The following C4orf51 variants were observed in gnomAD, a reference collection of about 807,000 sequenced individuals.
C4orf51 encodes uncharacterized protein C4orf51.
C4orf51 carries 25 observed loss-of-function variants against 25.2 expected under a neutral mutation model. The observed-to-expected ratio is 0.99, with a 90% confidence interval of 0.72 to 1.39. The LOEUF (loss-of-function observed/expected upper bound fraction) is 1.39. C4orf51 is among the 40% of genes most tolerant of loss of function. The probability of loss-of-function intolerance (pLI) is 0.00; values close to 1 mark genes in which losing one functional copy is unlikely to be tolerated. For synonymous variants in C4orf51, 100 were observed against 84.5 expected (o/e 1.18, Z -1.01); for missense variants, 252 against 239.6 (o/e 1.05, Z -0.34).
intron 1 of C4orf51, among the ~76,000 whole-genome samples, chr4:145,687,957 G>C (rs1046104780): frequency 2.0e-5 from 3 of 152,092 alleles, no homozygotes; most frequent in African/African-American, 4.8e-5. Context: ...AAATTAAAAA[G>C]TTAGTGCTTA....
At chr4:145,737,756 TCTCA>T (rs1444686874), downstream of C4orf51, among the ~76,000 whole-genome samples, 1 of 152,368 alleles carries the variant, frequency 6.6e-6, no homozygotes, top group East Asian at 1.9e-4. Context: ...TTGATCTGAC[TCTCA>T]CTCCTTCGTA....
chr4:145,736,153 G>C (rs1732792336), downstream of C4orf51, among the ~76,000 whole-genome samples: 1 of 152,016 alleles, frequency 6.6e-6, no homozygotes. Flanking sequence ...ACGTGCTGTA[G>C]AAGGATTTGA....
In C4orf51 at chr4:145,765,297, TC is replaced by T; in HGVS notation, n.167-5687del. On this transcript the variant is annotated intron_variant and non_coding_transcript_variant, in intron 1 of 1. Transcript: ENST00000510096. The surrounding 1 kb of genome is among the most constrained non-coding windows in gnomAD (Gnocchi z 4.7). ...ACAGCTATACCCTTCCAGGCACTGT[TC>T]CCCATATCTCTGTGCTAAAAGGAGT... is the stretch of plus-strand genomic sequence containing the variant. The T allele has an allele frequency of 9.4e-7, 1 of 1,064,128 alleles. No individual in the cohort carries two copies. The allele number at this position is 1,064,128 out of a possible 1,614,324, so 65.9% of individuals were successfully genotyped here.
At chr4:145,752,769 A>G (rs1733739413) in intron 1 of C4orf51, among the ~76,000 whole-genome samples, 3 of 152,164 alleles carry the variant, frequency 2.0e-5, no homozygotes, top group African/African-American at 7.2e-5. Flanking sequence ...AGGATTTCTG[A>G]GCGCTTTAGC....
chr4:145,779,657 T>C, the C4orf51 span: 1 of 1,150,288 alleles, frequency 8.7e-7, no homozygotes, highest in Non-Finnish European at 1.2e-6. Context: ...GTTTTCCTGC[T>C]CATTTCCTGT....
intron 1 of C4orf51, among the ~76,000 whole-genome samples, chr4:145,742,407 T>C (rs1003764557): frequency 6.6e-6 from 1 of 152,208 alleles, no homozygotes; most frequent in Non-Finnish European, 1.5e-5. Flanking sequence ...GTTTCTTCCA[T>C]GGTGTTACCA....
intron 4 of C4orf51, 21 bp downstream of exon 4, chr4:145,729,250 C>A: frequency 2.8e-6 from 4 of 1,419,642 alleles, no homozygotes; most frequent in Non-Finnish European, 3.9e-6. Flanking sequence ...TCCTGAACTA[C>A]TACTTTACAT....
At chr4:145,700,032 A>T (rs1730325574) in intron 2 of C4orf51, among the ~76,000 whole-genome samples, 2 of 149,340 alleles carry the variant, frequency 1.3e-5, no homozygotes, top group Admixed American at 1.3e-4. Flanking sequence ...CTGCACCCCG[A>T]CCTCTTATCT....
downstream of C4orf51, among the ~76,000 whole-genome samples, chr4:145,772,303 T>C (rs781553207): frequency 6.6e-6 from 1 of 152,224 alleles, no homozygotes; most frequent in Non-Finnish European, 1.5e-5. Flanking sequence ...CTTGGGAATA[T>C]ATACTGCTAT....
chr4:145,780,732 G>T, the C4orf51 span, among the ~76,000 whole-genome samples: 2 of 152,200 alleles, frequency 1.3e-5, no homozygotes, highest in African/African-American at 4.8e-5. Flanking sequence ...CCACTGATAG[G>T]CTTTTCACCT....
downstream of C4orf51, among the ~76,000 whole-genome samples, chr4:145,773,197 AT>A (rs1325588567): frequency 6.6e-6 from 1 of 152,218 alleles, no homozygotes; most frequent in African/African-American, 2.4e-5. Flanking sequence ...GCTGAATTTA[AT>A]TTGTCTTCAA....
At chr4:145,741,978 G>C (rs1733127197) in intron 1 of C4orf51, among the ~76,000 whole-genome samples, 1 of 152,208 alleles carries the variant, frequency 6.6e-6, no homozygotes, top group African/African-American at 2.4e-5. Flanking sequence ...TGAGATTACA[G>C]ACATGAGCCA....
At chr4:145,696,808 G>A (rs369959788) in intron 2 of C4orf51, among the ~76,000 whole-genome samples, 176 bp downstream of exon 2, 11 of 152,180 alleles carry the variant, frequency 7.2e-5, no homozygotes, top group African/African-American at 2.2e-4. Flanking sequence ...CAAGGTGGGC[G>A]GATCACTTGA....
At position 145,699,335 on chromosome 4, in the gene C4orf51, T is replaced by C. The variant is rs560832644; in HGVS notation, c.307+2703T>C. ...GGAGATCAATCCCCTGTCCTCCTGCTCTTTGCTCTGTGAGAAAGATCCACC... is the reference window on the plus strand; with the variant it reads ...GGAGATCAATCCCCTGTCCTCCTGCCCTTTGCTCTGTGAGAAAGATCCACC... On this transcript the variant is annotated intron_variant, in intron 2 of 5. Transcript: ENST00000438731. 3.7e-5 allele frequency among the ~76,000 whole-genome samples: 5 copies of C among 133,374 alleles called. No homozygotes were observed. In the South Asian group the frequency reaches 1.3e-3, roughly 36 times the overall value. 87.5% of individuals were successfully genotyped at this position (133,374 alleles called of 152,430 possible).
intron 1 of C4orf51, among the ~76,000 whole-genome samples, chr4:145,751,102 C>T (rs1280742751): frequency 2.0e-5 from 3 of 152,120 alleles, no homozygotes; most frequent in Non-Finnish European, 2.9e-5. Flanking sequence ...AATTCTTTGC[C>T]TTCAAGGTCA....
chr4:145,705,369 T>C (rs535659602), intron 2 of C4orf51, among the ~76,000 whole-genome samples: 1 of 152,290 alleles, frequency 6.6e-6, no homozygotes, highest in South Asian at 2.1e-4. Context: ...CATAACCTGA[T>C]GGTTGCCTGA....
downstream of C4orf51, among the ~76,000 whole-genome samples, chr4:145,772,200 C>A (rs1468408421): frequency 6.6e-6 from 1 of 152,204 alleles, no homozygotes; most frequent in Non-Finnish European, 1.5e-5. Context: ...CAAATATATT[C>A]ATTCACTGAA....
chr4:145,740,937 A>AT (rs35055864), intron 1 of C4orf51, among the ~76,000 whole-genome samples: 2 of 152,012 alleles, frequency 1.3e-5, no homozygotes, highest in Non-Finnish European at 1.5e-5. Flanking sequence ...GATGAGGGTG[A>AT]TTTTTTTTCC....
the C4orf51 span, among the ~76,000 whole-genome samples, chr4:145,789,983 GA>G: frequency 6.6e-6 from 1 of 152,132 alleles, no homozygotes; most frequent in Non-Finnish European, 1.5e-5. Context: ...TGCTGCATAT[GA>G]AAAATCTGAG....
Sources: allele counts gnomAD v4.1 joint callset (sites outside exome capture counted in the v4.1 genomes callset), GRCh38; gene constraint gnomAD v4.1.1; non-coding constraint Gnocchi (gnomAD v3.1); transcripts MANE v1.5; gene names NCBI Gene and HGNC (gene_info 2026-07-23, HGNC 2026-07-21).